Variants in DGKB observed in about 807,000 individuals in gnomAD.
DGKB encodes the protein 90 kDa diacylglycerol kinase.
DGKB carries 67 observed loss-of-function variants against 114.3 expected under a neutral mutation model. The ratio of observed to expected loss-of-function variants is 0.59; its 90% confidence interval spans 0.48 to 0.72. DGKB has a LOEUF of 0.72. Among genes scored for constraint, DGKB ranks in the 30% least tolerant of loss-of-function variants. DGKB has a pLI of 0.00. For synonymous variants in DGKB, 398 were observed against 323.1 expected (o/e 1.23, Z -2.49); for missense variants, 907 against 975.2 (o/e 0.93, Z 0.93).
At chr7:14,839,644 C>A (rs1025825391) in intron 2 of DGKB, among the ~76,000 whole-genome samples, 1 of 151,976 alleles carries the variant, frequency 6.6e-6, no homozygotes, top group African/African-American at 2.4e-5. Context: ...TCAAGCAATC[C>A]TTCTGCCTAC....
intron 5 of DGKB, among the ~76,000 whole-genome samples, chr7:14,723,678 T>A (rs1019170261): frequency 6.6e-6 from 1 of 152,102 alleles, no homozygotes; most frequent in Non-Finnish European, 1.5e-5. Context: ...AGCGTATTAG[T>A]CTTTTAGGAA....
intron 20 of DGKB, among the ~76,000 whole-genome samples, chr7:14,549,887 C>T (rs928864149): frequency 6.6e-6 from 1 of 151,732 alleles, no homozygotes; most frequent in Non-Finnish European, 1.5e-5. Context: ...GGTTGAGAGG[C>T]TGAGGGAGGA....
chr7:14,530,074 T>A (rs147247753), intron 20 of DGKB, among the ~76,000 whole-genome samples: 381 of 151,790 alleles, frequency 2.5e-3, no homozygotes, highest in South Asian at 5.6e-3. Flanking sequence ...TTCCTTTGAT[T>A]GAGAGCTCAT....
exon 1 of DGKB, chr7:14,974,730 T>C (rs376663907): frequency 3.3e-5 from 5 of 152,252 alleles, no homozygotes; most frequent in African/African-American, 1.2e-4. Context: ...TGTTTCTTCA[T>C]CCAACTGTGA....
chr7:14,429,396 A>G (rs1354267897), intron 21 of DGKB, among the ~76,000 whole-genome samples: 8 of 152,192 alleles, frequency 5.3e-5, no homozygotes, highest in African/African-American at 1.9e-4. Flanking sequence ...CACCAGAACC[A>G]AATGTGCAGA....
In DGKB at chr7:14,637,133, A is replaced by G. The variant is rs1810895164; in HGVS notation, c.1135-6865T>C. On this transcript the variant is annotated intron_variant, in intron 13 of 25. Transcript: ENST00000402815. ...CTCCAGGTGTATAGTTATATTCAAT[A>G]AAACTTTGCTAAATAAATAACCCGT... Among the ~76,000 whole-genome samples the G allele has an allele frequency of 1.3e-5, 2 of 151,976 alleles. 1 individual carries two copies. Among genetic ancestry groups the G allele is most frequent in the South Asian group, 4.1e-4 (2 of 4,838 alleles).
intron 15 of DGKB, among the ~76,000 whole-genome samples, chr7:14,616,386 C>A (rs1806526776): frequency 6.6e-6 from 1 of 151,434 alleles, no homozygotes; most frequent in Admixed American, 6.6e-5. Flanking sequence ...TTCAAGCTTA[C>A]TAATTCTCTT....
chr7:14,227,696 T>C (rs963614825), intron 23 of DGKB, among the ~76,000 whole-genome samples: 10 of 152,004 alleles, frequency 6.6e-5, no homozygotes, highest in Admixed American at 2.6e-4. Context: ...ACTAAAAGCA[T>C]GGAACAAGGG....
chr7:14,953,502 A>G, intron 1 of DGKB, among the ~76,000 whole-genome samples: 1 of 152,124 alleles, frequency 6.6e-6, no homozygotes, highest in East Asian at 1.9e-4. Flanking sequence ...ACAATGAGAT[A>G]TCACTTCCCA....
chr7:14,805,677 T>C (rs535323454), intron 2 of DGKB, among the ~76,000 whole-genome samples: 1 of 152,070 alleles, frequency 6.6e-6, no homozygotes, highest in African/African-American at 2.4e-5. Context: ...GAATTTTTTT[T>C]CCTTTTTAAA....
chr7:14,193,953 A>G (rs1229827239), intron 23 of DGKB, among the ~76,000 whole-genome samples: 1 of 152,154 alleles, frequency 6.6e-6, no homozygotes, highest in Non-Finnish European at 1.5e-5. Flanking sequence ...AAAATGCTCA[A>G]TACCACTAAT....
At chr7:14,953,635 G>C (rs1288834599) in intron 1 of DGKB, among the ~76,000 whole-genome samples, 1 of 152,066 alleles carries the variant, frequency 6.6e-6, no homozygotes, top group Non-Finnish European at 1.5e-5. Flanking sequence ...AAAACATTTT[G>C]GCAGATCCTC....
At chr7:14,723,573 GT>G (rs1327600321) in intron 5 of DGKB, among the ~76,000 whole-genome samples, 1 of 149,660 alleles carries the variant, frequency 6.7e-6, no homozygotes, top group African/African-American at 2.5e-5. Flanking sequence ...ATATATATGT[GT>G]GTGTGTGTGT....
chr7:14,221,379 T>C (rs1229581244), intron 23 of DGKB, among the ~76,000 whole-genome samples: 3 of 151,414 alleles, frequency 2.0e-5, no homozygotes, highest in Non-Finnish European at 4.4e-5. Flanking sequence ...TTTTTTATTA[T>C]AAAAATTGTT....
At position 14,624,119 on chromosome 7, in the gene DGKB, T is replaced by A. The variant is rs140592874; in HGVS notation, c.1168-2625A>T. On this transcript the variant is annotated intron_variant, in intron 14 of 25. Transcript: ENST00000402815. ...TTATATTTCCAAATGTGTGTGTGTA[T>A]GAAAAAACATTCAGTGGTTACGTCA... Among the ~76,000 whole-genome samples the A allele has an allele frequency of 7.0e-4, 107 of 152,304 alleles. No homozygotes were observed. In the East Asian group the frequency reaches 0.017, roughly 24 times the overall value.
chr7:14,234,067 G>A (rs1792365718), intron 23 of DGKB, among the ~76,000 whole-genome samples: 1 of 152,060 alleles, frequency 6.6e-6, no homozygotes, highest in Admixed American at 6.6e-5. Context: ...GCCCTTCTGA[G>A]CTACAAACCT....
At chr7:14,737,599 C>A (rs1041288500) in intron 4 of DGKB, among the ~76,000 whole-genome samples, 1 of 151,936 alleles carries the variant, frequency 6.6e-6, no homozygotes, top group Non-Finnish European at 1.5e-5. Context: ...TTGCTTTTTA[C>A]CTAATAGAAT....
intron 21 of DGKB, among the ~76,000 whole-genome samples, chr7:14,474,623 T>C (rs1001768903): frequency 7.5e-6 from 1 of 132,574 alleles, no homozygotes; most frequent in African/African-American, 2.6e-5. Flanking sequence ...TATTTTAGTA[T>C]GGTAATAAAT....
intron 23 of DGKB, among the ~76,000 whole-genome samples, chr7:14,285,685 T>G (rs912783661): frequency 2.4e-4 from 37 of 152,298 alleles, no homozygotes; most frequent in African/African-American, 7.7e-4. Flanking sequence ...TATGAAATGC[T>G]TTTTATATTT....
Sources: allele counts gnomAD v4.1 joint callset (sites outside exome capture counted in the v4.1 genomes callset), GRCh38; gene constraint gnomAD v4.1.1; transcripts MANE v1.5; gene names NCBI Gene and HGNC (gene_info 2026-07-23, HGNC 2026-07-21).